Variants in SPACA7 observed in about 807,000 individuals in gnomAD.
SPACA7 encodes the protein sperm acrosome-associated protein 7.
Under a neutral mutation model 26.3 loss-of-function variants are expected in SPACA7, and 19 were observed. The observed-to-expected ratio is 0.72, with a 90% CI of 0.50 to 1.06. SPACA7 has a LOEUF of 1.06. Among genes scored for constraint, SPACA7 ranks in the 50% least tolerant of loss-of-function variants. SPACA7 has a pLI of 0.00. For missense variants in SPACA7, 211 were observed against 229.9 expected, an observed-to-expected ratio of 0.92 and a Z score of 0.53; for synonymous variants, 84 against 84.5, an observed-to-expected ratio of 0.99 and a Z score of 0.04.
rs1416131367 is a variant in SPACA7 at position 112,396,100 on chromosome 13, G to A, written c.152-1949G>A. On this transcript the variant is annotated intron_variant, in intron 2 of 6. Coordinates refer to ENST00000283550, the MANE Select transcript of SPACA7 (RefSeq NM_145248.5). Reference sequence around the variant, plus strand: ...CTCACAGCTGGGCCACCATCCACCCGCCTCAGGGAATCCCAGGGTGTCTGC... The same window carrying A: ...CTCACAGCTGGGCCACCATCCACCCACCTCAGGGAATCCCAGGGTGTCTGC... 1.0e-3 allele frequency among the ~76,000 whole-genome samples: 136 copies of A among 133,988 alleles called. 19 individuals are homozygous for A. Among genetic ancestry groups the A allele is most frequent in the African/African-American group, 3.2e-3 (124 of 39,180 alleles). The allele number at this position is 133,988 out of a possible 152,430, so 87.9% of individuals were successfully genotyped here.
intron 5 of SPACA7, among the ~76,000 whole-genome samples, chr13:112,417,856 G>C (rs188873687): frequency 6.6e-6 from 1 of 152,278 alleles, no homozygotes; most frequent in East Asian, 1.9e-4. Flanking sequence ...GGCAGGAACA[G>C]AGATTCTTCA....
chr13:112,385,974 G>A (rs61960775), intron 1 of SPACA7, among the ~76,000 whole-genome samples: 22,586 of 152,148 alleles, frequency 0.15, 1,902 homozygotes, highest in South Asian at 0.34. Flanking sequence ...GGGAAAGCAT[G>A]AAACTTCTAG....
chr13:112,412,021 C>A (rs967225129), intron 5 of SPACA7, among the ~76,000 whole-genome samples: 5 of 152,000 alleles, frequency 3.3e-5, no homozygotes, highest in African/African-American at 4.8e-5. Flanking sequence ...GTTTGAGGAA[C>A]CTCTATACTG....
chr13:112,391,916 G>A (rs1045515330), intron 1 of SPACA7, among the ~76,000 whole-genome samples: 2 of 152,154 alleles, frequency 1.3e-5, no homozygotes, highest in Non-Finnish European at 2.9e-5. Context: ...AGACCTTTTT[G>A]CATATTTTCC....
chr13:112,392,962 A>G, intron 1 of SPACA7, 59 bp from the exon 2 acceptor site: 2 of 1,499,386 alleles, frequency 1.3e-6, no homozygotes, highest in South Asian at 1.2e-5. Context: ...CCATTTAAAG[A>G]GAAAAATATG....
chr13:112,420,209 A>G (rs532849983), intron 5 of SPACA7, among the ~76,000 whole-genome samples: 14 of 152,234 alleles, frequency 9.2e-5, no homozygotes, highest in Admixed American at 5.9e-4. Context: ...AATACACAAA[A>G]GGAAGCAAGA....
chr13:112,404,975 CTTCTTTT>C (rs1885882877), intron 5 of SPACA7, among the ~76,000 whole-genome samples: 1 of 100,750 alleles, frequency 9.9e-6, no homozygotes, highest in East Asian at 3.4e-4. Context: ...ATTGTATTCT[CTTCTTTT>C]TTTTTTTTTT....
At chr13:112,431,806 A>G (rs1160259402) in intron 5 of SPACA7, among the ~76,000 whole-genome samples, 1 of 152,180 alleles carries the variant, frequency 6.6e-6, no homozygotes, top group East Asian at 1.9e-4. Flanking sequence ...GGTGCCCCCC[A>G]CTAGGAAATG....
chr13:112,414,848 T>C (rs1354025304), intron 5 of SPACA7, among the ~76,000 whole-genome samples: 1 of 152,236 alleles, frequency 6.6e-6, no homozygotes, highest in Non-Finnish European at 1.5e-5. Flanking sequence ...GTCATATTTT[T>C]CTGAATGTTC....
chr13:112,405,635 C>G (rs1318009907), intron 5 of SPACA7, among the ~76,000 whole-genome samples: 2 of 152,150 alleles, frequency 1.3e-5, no homozygotes, highest in Non-Finnish European at 2.9e-5. Context: ...GGTGTATTCT[C>G]CAGTGTCAAG....
At chr13:112,392,889 G>C (rs909788916) in intron 1 of SPACA7, 132 bp from the exon 2 acceptor site, 1 of 616,348 alleles carries the variant, frequency 1.6e-6, no homozygotes, top group African/African-American at 1.8e-5. Context: ...CCGCAGGAGA[G>C]ACTGGAACTT....
chr13:112,408,693 C>T (rs1886150810), intron 5 of SPACA7, among the ~76,000 whole-genome samples: 1 of 152,156 alleles, frequency 6.6e-6, no homozygotes, highest in Non-Finnish European at 1.5e-5. Flanking sequence ...AGGAGAACAA[C>T]AAACCACTGC....
At chr13:112,413,642 G>A (rs535998876) in intron 5 of SPACA7, among the ~76,000 whole-genome samples, 2 of 152,146 alleles carry the variant, frequency 1.3e-5, no homozygotes, top group South Asian at 4.1e-4. Flanking sequence ...GGTTTGGAAA[G>A]GTCTCTGTAA....
intron 1 of SPACA7, among the ~76,000 whole-genome samples, chr13:112,383,190 A>G (rs1301254777): frequency 6.5e-5 from 9 of 137,758 alleles, no homozygotes; most frequent in African/African-American, 2.6e-4. Flanking sequence ...AGAAAGAAAG[A>G]AAGAAAAGAA....
chr13:112,383,121 AAAAGAAAG>A (rs1233884331), intron 1 of SPACA7, among the ~76,000 whole-genome samples: 1,487 of 33,542 alleles, frequency 0.044, 27 homozygotes, highest in East Asian at 0.059. Context: ...AAAAGAAAAG[AAAAGAAAG>A]AAAGAAAGAA....
intron 5 of SPACA7, among the ~76,000 whole-genome samples, chr13:112,428,209 T>G (rs2139072682): frequency 6.6e-6 from 1 of 152,348 alleles, no homozygotes; most frequent in Admixed American, 6.5e-5. Context: ...ATATGTTGTG[T>G]TTTTATTTTC....
chr13:112,377,359 T>C (rs372667286), intron 1 of SPACA7, among the ~76,000 whole-genome samples: 2 of 152,202 alleles, frequency 1.3e-5, no homozygotes, highest in South Asian at 2.1e-4. Flanking sequence ...CCTTTTAAAA[T>C]CTAGACATCC....
chr13:112,416,211 C>G (rs1039011411), intron 5 of SPACA7, among the ~76,000 whole-genome samples: 3 of 151,986 alleles, frequency 2.0e-5, no homozygotes, highest in African/African-American at 7.2e-5. Flanking sequence ...TTTTATGTTC[C>G]TACAGGGGTC....
chr13:112,383,084 A>AG (rs1566452628), intron 1 of SPACA7, among the ~76,000 whole-genome samples: 6 of 96,030 alleles, frequency 6.2e-5, no homozygotes, highest in Admixed American at 1.3e-4. Context: ...AAGAAAGAAA[A>AG]AGAAAGAAAG....
Sources: allele counts gnomAD v4.1 joint callset (sites outside exome capture counted in the v4.1 genomes callset), GRCh38; gene constraint gnomAD v4.1.1; transcripts MANE v1.5; gene names NCBI Gene and HGNC (gene_info 2026-07-23, HGNC 2026-07-21).